Variants in LINGO2 observed in about 807,000 individuals in gnomAD.
The protein encoded by LINGO2 is leucine-rich repeat and immunoglobulin-like domain-containing nogo receptor-interacting protein 2.
Under a neutral mutation model 30.6 loss-of-function variants are expected in LINGO2, and 14 were observed. The ratio of observed to expected loss-of-function variants is 0.46; its 90% CI spans 0.30 to 0.72. LINGO2 has a LOEUF of 0.72. Ranked by LOEUF, LINGO2 falls within the 30% of genes least tolerant of loss-of-function variation. The pLI is 0.07. For synonymous variants in LINGO2, 317 were observed against 288.5 expected (o/e 1.10, Z -1.00); for missense variants, 729 against 751.7 (o/e 0.97, Z 0.35).
At chr9:28,747,124 C>T in the LINGO2 span, among the ~76,000 whole-genome samples, 1 of 151,934 alleles carries the variant, frequency 6.6e-6, no homozygotes, top group African/African-American at 2.4e-5. Flanking sequence ...CCCCCCTATC[C>T]TGTACCCATA....
Position 28,214,747 on chromosome 9 carries a change from T to C in LINGO2, c.-87+80461A>G, listed in dbSNP as rs145631228. The stretch of plus-strand genomic sequence containing the variant: ...TTGTCCAAATGTAAGTGTAAATTCA[T>C]GCTCTGCAAGTAGAGCCAATGGTAC... On this transcript the variant is annotated intron_variant, in intron 4 of 5. Coordinates refer to ENST00000379992, the Ensembl canonical transcript of LINGO2. Among the ~76,000 whole-genome samples the C allele has an allele frequency of 3.8e-4, 58 of 151,848 alleles. No individual in the cohort carries two copies. In the East Asian group the frequency reaches 7.2e-3, roughly 19 times the overall value.
intron 2 of LINGO2, among the ~76,000 whole-genome samples, chr9:28,433,639 T>A (rs1466830278): frequency 6.6e-6 from 1 of 151,998 alleles, no homozygotes; most frequent in Non-Finnish European, 1.5e-5. Flanking sequence ...GATGTTGACA[T>A]GGATGTGGTG....
intron 4 of LINGO2, among the ~76,000 whole-genome samples, chr9:28,189,285 GAGGGAGGA>G (rs749983361): frequency 0.032 from 889 of 28,128 alleles, 140 homozygotes; most frequent in East Asian, 0.069. Flanking sequence ...GGGAGGGAGG[GAGGGAGGA>G]AGGAAGGAAG....
At chr9:28,611,633 T>C (rs1364945858) in intron 1 of LINGO2, among the ~76,000 whole-genome samples, 3 of 152,104 alleles carry the variant, frequency 2.0e-5, no homozygotes, top group East Asian at 1.9e-4. Context: ...AGTAGAATCA[T>C]GTAGTTTGTT....
At chr9:28,386,297 T>C (rs10491890) in intron 2 of LINGO2, among the ~76,000 whole-genome samples, 1,788 of 152,272 alleles carry the variant, frequency 0.012, 36 homozygotes, top group African/African-American at 0.041. Flanking sequence ...GTTTTCTAGT[T>C]CTTTCATTTG....
the LINGO2 span, among the ~76,000 whole-genome samples, chr9:28,895,140 A>G: frequency 1.3e-5 from 2 of 152,156 alleles, no homozygotes; most frequent in African/African-American, 4.8e-5. Flanking sequence ...GTCAAATACT[A>G]GTTGGGAGCT....
chr9:28,891,977 TA>T, the LINGO2 span, among the ~76,000 whole-genome samples: 4 of 152,098 alleles, frequency 2.6e-5, no homozygotes, highest in South Asian at 8.3e-4. Context: ...CTTTGGTTAA[TA>T]AGCATTTTCT....
chr9:28,106,712 T>A (rs1826604941), intron 4 of LINGO2, among the ~76,000 whole-genome samples: 1 of 152,172 alleles, frequency 6.6e-6, no homozygotes, highest in African/African-American at 2.4e-5. Flanking sequence ...AGTCTGACAG[T>A]TCTGTTCACT....
chr9:28,191,042 G>T (rs1173811602), intron 4 of LINGO2, among the ~76,000 whole-genome samples: 1 of 152,124 alleles, frequency 6.6e-6, no homozygotes, highest in Admixed American at 6.6e-5. Flanking sequence ...ATGTCTTAAG[G>T]ATTAAAGCAG....
chr9:28,120,933 C>T (rs1385186181), intron 4 of LINGO2, among the ~76,000 whole-genome samples: 1 of 152,086 alleles, frequency 6.6e-6, no homozygotes, highest in Non-Finnish European at 1.5e-5. Context: ...GATTTAAAAA[C>T]AACAAAACAA....
intron 4 of LINGO2, among the ~76,000 whole-genome samples, chr9:28,090,667 C>G (rs1826053139): frequency 6.6e-6 from 1 of 152,138 alleles, no homozygotes; most frequent in Non-Finnish European, 1.5e-5. Context: ...GACAGGGATA[C>G]CTTCTGTCAC....
Position 28,047,030 on chromosome 9 carries a change from C to T in LINGO2, c.-86-34625G>A, listed in dbSNP as rs561304908. Among the ~76,000 whole-genome samples the T allele has an allele frequency of 2.6e-5, 4 of 152,016 alleles. No homozygotes were observed. In the South Asian group the frequency reaches 8.3e-4, roughly 32 times the overall value. On this transcript the variant is annotated intron_variant, in intron 4 of 5. Coordinates refer to ENST00000379992, the Ensembl canonical transcript of LINGO2. ...GGGAATAGGCCTCCCCTAGCAGCCC[C>T]TAAGTAATGCTTAGCAGATTGTAGG...
At chr9:28,170,799 G>A (rs1022133310) in intron 4 of LINGO2, among the ~76,000 whole-genome samples, 2 of 152,242 alleles carry the variant, frequency 1.3e-5, no homozygotes, top group South Asian at 2.1e-4. Context: ...CTCTGACTTT[G>A]ATTCTTCTGC....
At chr9:28,302,024 T>C (rs1824166121) in intron 3 of LINGO2, among the ~76,000 whole-genome samples, 1 of 152,116 alleles carries the variant, frequency 6.6e-6, no homozygotes, top group Admixed American at 6.6e-5. Flanking sequence ...GATAAGCAAA[T>C]ATAGAGGGAG....
chr9:28,041,795 A>AC (rs1232981123), intron 4 of LINGO2, among the ~76,000 whole-genome samples: 3 of 152,214 alleles, frequency 2.0e-5, no homozygotes, highest in Non-Finnish European at 4.4e-5. Flanking sequence ...ACCTTACCCT[A>AC]CAACATACAA....
intron 4 of LINGO2, among the ~76,000 whole-genome samples, chr9:28,150,662 G>C (rs1827973668): frequency 1.3e-5 from 2 of 152,200 alleles, no homozygotes; most frequent in Admixed American, 1.3e-4. Flanking sequence ...TCTTCAATCA[G>C]TTCTTCTTTT....
chr9:28,747,368 A>G, the LINGO2 span, among the ~76,000 whole-genome samples: 1 of 151,742 alleles, frequency 6.6e-6, no homozygotes, highest in African/African-American at 2.4e-5. Context: ...CACCTCCACC[A>G]CTCAATAAAA....
intron 1 of LINGO2, among the ~76,000 whole-genome samples, chr9:28,515,136 A>T (rs1820566828): frequency 6.6e-6 from 1 of 152,172 alleles, no homozygotes; most frequent in East Asian, 1.9e-4. Flanking sequence ...TGCAGACACA[A>T]CATCCATTCT....
At chr9:27,993,066 T>C (rs1468983215) in intron 5 of LINGO2, among the ~76,000 whole-genome samples, 2 of 152,140 alleles carry the variant, frequency 1.3e-5, no homozygotes. Context: ...CACTTGACGA[T>C]GGTTAATGCA....
Sources: allele counts gnomAD v4.1 joint callset (sites outside exome capture counted in the v4.1 genomes callset), GRCh38; gene constraint gnomAD v4.1.1; transcripts MANE v1.5; gene names NCBI Gene and HGNC (gene_info 2026-07-23, HGNC 2026-07-21).